PRKCE: variants seen among roughly 807,000 people sequenced by gnomAD.
PRKCE encodes protein kinase C epsilon type.
A neutral mutation model predicts 85.4 loss-of-function variants in PRKCE; 16 were observed. The observed-to-expected ratio is 0.19, with a 90% CI of 0.13 to 0.28. The LOEUF is 0.28. Among genes scored for constraint, PRKCE ranks in the 10% least tolerant of loss-of-function variants. PRKCE has a pLI of 1.00. For synonymous variants in PRKCE, 388 were observed against 371.5 expected, an observed-to-expected ratio of 1.04 and a Z score of -0.51; for missense variants, 573 against 975.2, an observed-to-expected ratio of 0.59 and a Z score of 5.49.
At chr2:46,010,590 C>A in intron 10 of PRKCE, 73 bp downstream of exon 10, 3 of 1,597,856 alleles carry the variant, frequency 1.9e-6, no homozygotes, top group East Asian at 4.5e-5. Context: ...CAATTTTAGA[C>A]CCTCTACATT....
chr2:45,811,638 C>T (rs544677709), intron 1 of PRKCE, among the ~76,000 whole-genome samples: 165 of 152,218 alleles, frequency 1.1e-3, no homozygotes, highest in Middle Eastern at 0.01. Context: ...CTAAAAAACA[C>T]TGAAGTTGAT....
chr2:46,144,935 G>A lies in PRKCE; in HGVS notation c.1593-158G>A, dbSNP rs181156978. On this transcript the variant is annotated intron_variant, in intron 11 of 14. Transcript: ENST00000306156. Reference sequence around the variant, plus strand: ...TGCCGTTAGGGGCTGACTAACATGAGAGAGAGCCCCTGGACTGAGATGGGT... The same window carrying A: ...TGCCGTTAGGGGCTGACTAACATGAAAGAGAGCCCCTGGACTGAGATGGGT... Among the ~76,000 whole-genome samples, 485 of 152,334 alleles carry A rather than the reference G, an allele frequency of 3.2e-3. 1 individual carries two copies. Among genetic ancestry groups the A allele is most frequent in the Non-Finnish European group, 5.2e-3 (352 of 68,028 alleles).
In PRKCE at chr2:46,114,959, G is replaced by A. The variant is rs576017110; in HGVS notation, c.1592+28597G>A. On this transcript the variant is annotated intron_variant, in intron 11 of 14. Transcript: ENST00000306156. ...ATCTTTCTTATGATTATGTATTCTA[G>A]AAGGTCCCAGGAACTCTTGTGCCAT... is the stretch of plus-strand genomic sequence containing the variant. Among the ~76,000 whole-genome samples, 6 of 152,230 alleles carry A rather than the reference G, an allele frequency of 3.9e-5. No homozygotes were observed. The South Asian group carries it at 1.2e-3, about 32-fold the overall frequency.
intron 1 of PRKCE, among the ~76,000 whole-genome samples, chr2:45,748,207 C>T (rs1170239903): frequency 6.6e-6 from 1 of 152,206 alleles, no homozygotes; most frequent in Non-Finnish European, 1.5e-5. Flanking sequence ...ATATGCCAGG[C>T]ATCATCTCAT....
chr2:45,856,645 C>G (rs772991460), intron 2 of PRKCE, among the ~76,000 whole-genome samples: 2 of 152,192 alleles, frequency 1.3e-5, no homozygotes, highest in Non-Finnish European at 2.9e-5. Flanking sequence ...AACAGGAAAA[C>G]TTATTCTTCC....
intron 1 of PRKCE, among the ~76,000 whole-genome samples, chr2:45,830,849 A>T (rs1289383952): frequency 6.6e-6 from 1 of 152,274 alleles, no homozygotes. Context: ...CAGCTAAACT[A>T]TCAATTATGT....
At chr2:46,151,279 C>CAA in intron 13 of PRKCE, 50 bp downstream of exon 13, 2 of 1,010,622 alleles carry the variant, frequency 2.0e-6, no homozygotes, top group Non-Finnish European at 2.8e-6. Flanking sequence ...GCTCCTCCCC[C>CAA]TACACACACA....
intron 10 of PRKCE, among the ~76,000 whole-genome samples, chr2:46,070,960 C>T (rs1464262757): frequency 9.9e-5 from 15 of 152,190 alleles, no homozygotes; most frequent in Admixed American, 9.8e-4. Context: ...TTAATTATGT[C>T]CTCTCATTTG....
intron 2 of PRKCE, among the ~76,000 whole-genome samples, chr2:45,879,199 A>C (rs1694699869): frequency 6.6e-6 from 1 of 152,228 alleles, no homozygotes; most frequent in African/African-American, 2.4e-5. Flanking sequence ...TGAATGTCAG[A>C]GAGAAGCAGC....
chr2:45,708,234 A>C (rs956396181), intron 1 of PRKCE, among the ~76,000 whole-genome samples: 2 of 152,204 alleles, frequency 1.3e-5, no homozygotes, highest in Non-Finnish European at 2.9e-5. Flanking sequence ...CCACAGAACA[A>C]AGCTGTGAGG....
intron 1 of PRKCE, among the ~76,000 whole-genome samples, chr2:45,749,813 C>G (rs931750643): frequency 1.3e-5 from 2 of 152,084 alleles, no homozygotes. Flanking sequence ...CACTAAACCC[C>G]CTGTTCATTA....
At chr2:45,802,015 C>A (rs952775166) in intron 1 of PRKCE, among the ~76,000 whole-genome samples, 21 of 150,736 alleles carry the variant, frequency 1.4e-4, no homozygotes, top group African/African-American at 5.1e-4. Flanking sequence ...TTAGGAAGGC[C>A]AAGGCGAGAG....
intron 1 of PRKCE, among the ~76,000 whole-genome samples, chr2:45,714,552 T>C (rs1679932959): frequency 1.3e-5 from 2 of 152,276 alleles, no homozygotes; most frequent in Non-Finnish European, 2.9e-5. Context: ...TGAAAACTTA[T>C]GACAGTGAGT....
intron 10 of PRKCE, among the ~76,000 whole-genome samples, chr2:46,021,364 G>C (rs138526526): frequency 6.6e-6 from 1 of 152,252 alleles, no homozygotes; most frequent in East Asian, 1.9e-4. Flanking sequence ...ACAGCTCTGC[G>C]TAGCCTGCAT....
At chr2:46,131,713 G>A (rs1023607195) in intron 11 of PRKCE, among the ~76,000 whole-genome samples, 3 of 152,212 alleles carry the variant, frequency 2.0e-5, no homozygotes, top group African/African-American at 7.2e-5. Context: ...GAACTCTGGT[G>A]GGTTTTCTCT....
chr2:45,763,397 C>T (rs1211683141), intron 1 of PRKCE, among the ~76,000 whole-genome samples: 4 of 152,170 alleles, frequency 2.6e-5, no homozygotes, highest in African/African-American at 4.8e-5. Context: ...TAAGCCTAAG[C>T]TTATGCTAAA....
At chr2:45,661,858 C>T (rs993145883) in intron 1 of PRKCE, among the ~76,000 whole-genome samples, 6 of 152,084 alleles carry the variant, frequency 3.9e-5, no homozygotes, top group Non-Finnish European at 7.4e-5. Context: ...TTTAAAAAAT[C>T]ATGATGAGTG....
chr2:45,832,797 G>C (rs1458256355), intron 1 of PRKCE, among the ~76,000 whole-genome samples: 1 of 152,172 alleles, frequency 6.6e-6, no homozygotes, highest in Non-Finnish European at 1.5e-5. Context: ...TCTGCAAATT[G>C]TGAGGATGCG....
chr2:45,996,395 T>G (rs1704219922), intron 6 of PRKCE, among the ~76,000 whole-genome samples: 1 of 152,148 alleles, frequency 6.6e-6, no homozygotes. Context: ...ACTTCCAGTA[T>G]AGTGTTGAAA....
Sources: gnomAD v4.1 joint callset for allele counts (sites outside exome capture counted in the v4.1 genomes callset) on GRCh38, gnomAD v4.1.1 for gene constraint, MANE v1.5 for transcripts, NCBI Gene and HGNC (gene_info 2026-07-23, HGNC 2026-07-21) for gene names.